Variants in ZFPM1 observed in about 807,000 individuals in gnomAD.
ZFPM1 encodes the protein zinc finger protein, FOG family member 1.
Under a neutral mutation model 46.3 loss-of-function variants are expected in ZFPM1, and 28 were observed. That is an observed-to-expected ratio of 0.60 (90% CI 0.45 to 0.83). The LOEUF (loss-of-function observed/expected upper bound fraction) is 0.83, where lower values mean the gene tolerates loss of function less well. Ranked by LOEUF, ZFPM1 falls within the 40% of genes least tolerant of loss-of-function variation. The pLI is 0.00. For missense variants in ZFPM1, 1,878 were observed against 1,432.4 expected, an observed-to-expected ratio of 1.31 and a Z score of -5.02; for synonymous variants, 957 against 675.9, an observed-to-expected ratio of 1.42 and a Z score of -6.45.
rs539155475 is a variant in ZFPM1, at chr16:88,474,087, G to T, written c.41-11852G>T. Among the ~76,000 whole-genome samples, 4 of 152,354 alleles carry T rather than the reference G, an allele frequency of 2.6e-5. No homozygotes were observed. The South Asian group carries it at 8.3e-4, about 32-fold the overall frequency. On this transcript the variant is annotated intron_variant, in intron 1 of 9. Coordinates refer to ENST00000319555, the MANE Select transcript of ZFPM1 (RefSeq NM_153813.3). ...GATGAATGTTGAGTAAGCGCAGGCCGCACCGATAGGATGTGGACTTGGCAG... is the reference window on the plus strand; with the variant it reads ...GATGAATGTTGAGTAAGCGCAGGCCTCACCGATAGGATGTGGACTTGGCAG...
rs770612686 is a variant in ZFPM1, at chr16:88,533,536, T to G, written c.1578T>G (p.Leu526=). 8.5e-5 allele frequency: 124 copies of G among 1,461,306 alleles called. No homozygotes were observed. The African/African-American group carries it at 1.6e-3, about 19-fold the overall frequency. 90.5% of individuals were successfully genotyped at this position (1,461,306 alleles called of 1,614,324 possible). A position where few individuals can be genotyped will look rare whatever the true frequency, so the allele number is the denominator to read the frequency against. The change falls in exon 10 of 10, where the codon CTT becomes CTG. Residue 526 remains leucine, a synonymous_variant. Transcript: ENST00000319555. ...GELGLAGALF[L]PQYVFGPDAA... ...TGGGCCTGGCCGGGGCCCTGTTCCT[T>G]CCGCAGTACGTGTTCGGGCCCGACG...
Position 88,487,103 on chromosome 16 carries a change from C to G in ZFPM1, c.145+1060C>G, listed in dbSNP as rs189434856. Among the ~76,000 whole-genome samples the G allele has an allele frequency of 3.1e-3, 471 of 152,300 alleles. 4 individuals carry two copies. Among genetic ancestry groups the G allele is most frequent in the African/African-American group, 0.011 (445 of 41,558 alleles). ...AAGGAGGGCCTGCCCTCCCAGGAGA[C>G]AGTTAACCTGCCATAAGGAGGCCTG... On this transcript the variant is annotated intron_variant, in intron 2 of 9. Coordinates refer to ENST00000319555, the MANE Select transcript of ZFPM1 (RefSeq NM_153813.3).
In ZFPM1 at chr16:88,502,064, CCATTTATTTATTT is replaced by C. The variant is rs1247232203; in HGVS notation, c.269-12322_269-12310del. Among the ~76,000 whole-genome samples, 1,020 of 127,380 alleles carry C rather than the reference CCATTTATTTATTT, an allele frequency of 8.0e-3. 12 individuals carry two copies. The highest frequency in any genetic ancestry group is 0.025 in the Admixed American group (297 of 11,936). 83.6% of individuals were successfully genotyped at this position (127,380 alleles called of 152,430 possible). A position where few individuals can be genotyped will look rare whatever the true frequency, so the allele number is the denominator to read the frequency against. Reference sequence around the variant, plus strand: ...CCGACGCGGCTCCACCCGCCCCCCCCCATTTATTTATTTATTTATTTATTTATTTATTTATTTA... The same window carrying C: ...CCGACGCGGCTCCACCCGCCCCCCCCATTTATTTATTTATTTATTTATTTA... On this transcript the variant is annotated intron_variant, in intron 3 of 9. Transcript: ENST00000319555.
chr16:88,462,481 A>C (rs1489088491), intron 1 of ZFPM1, among the ~76,000 whole-genome samples: 1 of 152,238 alleles, frequency 6.6e-6, no homozygotes, highest in Non-Finnish European at 1.5e-5. Context: ...CACAGCACAC[A>C]GTGGTGCTCT....
chr16:88,490,812 G>T (rs1334534257), intron 3 of ZFPM1, among the ~76,000 whole-genome samples: 1 of 152,148 alleles, frequency 6.6e-6, no homozygotes, highest in African/African-American at 2.4e-5. Context: ...GGTCCTCACG[G>T]GCTCCCCCTG....
At position 88,534,067 on chromosome 16, in the gene ZFPM1, G is replaced by C. The variant is rs1265255454; in HGVS notation, c.2109G>C (p.Arg703=). 4.7e-6 allele frequency: 6 copies of C among 1,263,620 alleles called. No homozygotes were observed. Among genetic ancestry groups the C allele is most frequent in the Non-Finnish European group, 4.1e-6 (4 of 982,832 alleles). The allele number at this position is 1,263,620 out of a possible 1,614,324, so 78.3% of individuals were successfully genotyped here. The change falls in exon 10 of 10, where the codon CGG becomes CGC. Residue 703 remains arginine, a synonymous_variant. Transcript: ENST00000319555. ...ACGAGACCTACACCGTGCACAAGCGGTACTACTGCGCCTCGCGCCACGACC... is the reference window on the plus strand; with the variant it reads ...ACGAGACCTACACCGTGCACAAGCGCTACTACTGCGCCTCGCGCCACGACC... ...SRHETYTVHK[R]YYCASRHDPP...
At chr16:88,453,699 G>T in intron 1 of ZFPM1, 21 bp downstream of exon 1, 2 of 1,189,104 alleles carry the variant, frequency 1.7e-6, no homozygotes, top group African/African-American at 1.6e-5. Flanking sequence ...CTTTGCCCGC[G>T]GTCCCCTCCG....
intron 1 of ZFPM1, among the ~76,000 whole-genome samples, 156 bp from the exon 2 acceptor site, chr16:88,485,783 A>C (rs888622525): frequency 6.6e-6 from 1 of 152,038 alleles, no homozygotes; most frequent in African/African-American, 2.4e-5. Context: ...GCTAACAGCC[A>C]CCTGTCCTTT....
rs754957631 is a variant in ZFPM1, at chr16:88,533,572, C to A, written c.1614C>A (p.Pro538=). 6.3e-5 allele frequency: 95 copies of A among 1,497,084 alleles called. 2 individuals are homozygous for A. The South Asian group carries it at 1.1e-3, about 17-fold the overall frequency. The allele number at this position is 1,497,084 out of a possible 1,614,324, so 92.7% of individuals were successfully genotyped here. The change falls in exon 10 of 10, where the codon CCC becomes CCA. Residue 538 remains proline (P), a synonymous_variant. Coordinates refer to ENST00000319555, the MANE Select transcript of ZFPM1 (RefSeq NM_153813.3). ...QYVFGPDAAP[P]ASEILAKMSE... is the part of the protein sequence containing the mutation. ...TGTTCGGGCCCGACGCGGCGCCCCCCGCCTCGGAGATCCTGGCCAAGATGT... is the reference window on the plus strand; with the variant it reads ...TGTTCGGGCCCGACGCGGCGCCCCCAGCCTCGGAGATCCTGGCCAAGATGT...
intron 1 of ZFPM1, among the ~76,000 whole-genome samples, chr16:88,473,146 G>A (rs73257651): frequency 9.3e-4 from 141 of 152,396 alleles, no homozygotes; most frequent in African/African-American, 3.2e-3. Context: ...GCTGAACTGA[G>A]CCAGAGGGCG....
At chr16:88,481,713 G>A (rs545413798) in intron 1 of ZFPM1, among the ~76,000 whole-genome samples, 203 of 152,028 alleles carry the variant, frequency 1.3e-3, no homozygotes, top group African/African-American at 4.8e-3. Flanking sequence ...ACCTGCTGAG[G>A]TCTGTGTGGG....
At chr16:88,527,464 A>G (rs1912433132) in intron 5 of ZFPM1, among the ~76,000 whole-genome samples, 3 of 152,092 alleles carry the variant, frequency 2.0e-5, no homozygotes, top group African/African-American at 7.2e-5. Flanking sequence ...AGGCAGGTCC[A>G]CTGGCCAGTG....
chr16:88,464,397 G>T (rs916235297), intron 1 of ZFPM1, among the ~76,000 whole-genome samples: 1 of 152,214 alleles, frequency 6.6e-6, no homozygotes, highest in Non-Finnish European at 1.5e-5. Context: ...GCAGGAGGAC[G>T]GGGTGTTTGC....
rs145983717 is a variant in ZFPM1 at position 88,531,556 on chromosome 16, G to A, written c.713-446G>A. Among the ~76,000 whole-genome samples, 99 of 152,290 alleles carry A rather than the reference G, an allele frequency of 6.5e-4. No individual in the cohort carries two copies. The East Asian group carries it at 0.01, about 15-fold the overall frequency. ...GCCTGAGTGCCCAGGGACTGTGTGC[G>A]TGGGTTTTCTTTGCAGCCTGGCACT... On this transcript the variant is annotated intron_variant, in intron 6 of 9. Coordinates refer to ENST00000319555, the MANE Select transcript of ZFPM1 (RefSeq NM_153813.3).
rs1373577775 is a variant in ZFPM1, at chr16:88,533,686, C to T, written c.1728C>T (p.Gly576=). The T allele has an allele frequency of 2.7e-6, 4 of 1,497,896 alleles. No individual in the cohort carries two copies. Among genetic ancestry groups the T allele is most frequent in the Non-Finnish European group, 2.7e-6 (3 of 1,117,444 alleles). 92.8% of individuals were successfully genotyped at this position (1,497,896 alleles called of 1,614,324 possible). Residue 576 remains glycine, a synonymous_variant, in exon 10 of 10, where the codon GGC becomes GGT. Transcript: ENST00000319555. ...GGCTCTTCCCCGGGGCCCCCAAGGG[C>T]GCTACGTGCTTCGAGTGCGAGATCA... The part of the protein sequence containing the change: ...QTGLFPGAPK[G]ATCFECEITF...
At chr16:88,474,689 C>T (rs7196553) in intron 1 of ZFPM1, among the ~76,000 whole-genome samples, 2,743 of 152,162 alleles carry the variant, frequency 0.018, 71 homozygotes, top group African/African-American at 0.061. Flanking sequence ...AGCCAGCCCC[C>T]ACGCCAGCCC....
rs138183761 is a variant in ZFPM1, at chr16:88,476,218, C to A, written c.41-9721C>A. ...CCGAAGGCCCCTCGCGGGAACCAAC[C>A]AAGCCTCCATCCCTCTGCACAGCCT... On this transcript the variant is annotated intron_variant, in intron 1 of 9. Coordinates refer to ENST00000319555, the MANE Select transcript of ZFPM1 (RefSeq NM_153813.3). Among the ~76,000 whole-genome samples the A allele has an allele frequency of 1.0e-3, 154 of 152,228 alleles. 1 individual carries two copies. Among genetic ancestry groups the A allele is most frequent in the African/African-American group, 3.5e-3 (146 of 41,548 alleles).
At chr16:88,476,495 C>T (rs998350424) in intron 1 of ZFPM1, among the ~76,000 whole-genome samples, 21 of 152,078 alleles carry the variant, frequency 1.4e-4, no homozygotes, top group African/African-American at 5.1e-4. Flanking sequence ...GGGGAGAGGG[C>T]CGAGCAGGTG....
rs1278266679 is a variant in ZFPM1 at position 88,534,281 on chromosome 16, A to G, written c.2323A>G (p.Ser775Gly). 4.3e-6 allele frequency: 5 copies of G among 1,153,790 alleles called. No homozygotes were observed. The highest frequency in any genetic ancestry group is 3.6e-4 in the Middle Eastern group (1 of 2,810). 71.5% of individuals were successfully genotyped at this position (1,153,790 alleles called of 1,614,324 possible). A position where few individuals can be genotyped will look rare whatever the true frequency, so the allele number is the denominator to read the frequency against. ...APESPRPGSGSGSGPGLAPAR... is the reference protein window; with the variant it reads ...APESPRPGSGGGSGPGLAPAR... The stretch of plus-strand genomic sequence containing the variant: ...CGAGTCGCCGCGGCCCGGAAGCGGA[A>G]GCGGAAGCGGCCCCGGCCTCGCCCC... Residue 775 changes from serine (S) to glycine (G), a missense_variant, in exon 10 of 10, where the codon AGC becomes GGC. Coordinates refer to ENST00000319555, the MANE Select transcript of ZFPM1 (RefSeq NM_153813.3).
Sources: allele counts gnomAD v4.1 joint callset (sites outside exome capture counted in the v4.1 genomes callset), GRCh38; gene constraint gnomAD v4.1.1; transcripts MANE v1.5; gene names NCBI Gene and HGNC (gene_info 2026-07-23, HGNC 2026-07-21).